The following CUX2 variants were observed in gnomAD, a reference collection of about 807,000 sequenced individuals.
The protein encoded by CUX2 is homeobox protein cut-like 2.
In CUX2, 40 loss-of-function variants were observed where a neutral mutation model predicts 144.8. The ratio of observed to expected loss-of-function variants is 0.28; its 90% CI spans 0.21 to 0.36. The LOEUF (loss-of-function observed/expected upper bound fraction) is 0.36, where lower values mean the gene tolerates loss of function less well. Ranked by LOEUF, CUX2 falls within the 10% of genes least tolerant of loss-of-function variation. The probability of loss-of-function intolerance (pLI) is 1.00; values close to 1 mark genes in which losing one functional copy is unlikely to be tolerated. For missense variants in CUX2, 1,615 were observed against 1,994.0 expected (o/e 0.81, Z 3.62); for synonymous variants, 827 against 875.6 (o/e 0.94, Z 0.98).
intron 3 of CUX2, among the ~76,000 whole-genome samples, chr12:111,227,945 C>G (rs564131977): frequency 6.6e-6 from 1 of 152,292 alleles, no homozygotes; most frequent in Non-Finnish European, 1.5e-5. Flanking sequence ...ATGGGAGAGA[C>G]AGATGGACCC....
chr12:111,227,178 T>C (rs1882195503), intron 3 of CUX2, among the ~76,000 whole-genome samples: 1 of 152,180 alleles, frequency 6.6e-6, no homozygotes, highest in Admixed American at 6.5e-5. Flanking sequence ...GCTGAGGTGG[T>C]GAACATTACT....
intron 1 of CUX2, among the ~76,000 whole-genome samples, chr12:111,200,323 T>C (rs1880501847): frequency 6.6e-6 from 1 of 152,062 alleles, no homozygotes; most frequent in South Asian, 2.1e-4. Context: ...CACATTCATG[T>C]TGATAATAAG....
At chr12:111,044,184 T>C (rs911903330) in intron 1 of CUX2, among the ~76,000 whole-genome samples, 2 of 152,214 alleles carry the variant, frequency 1.3e-5, no homozygotes, top group Non-Finnish European at 2.9e-5. Context: ...AGTCTGTTTC[T>C]TGTCCCACAG....
chr12:111,292,878 T>C (rs1287236996), intron 5 of CUX2, among the ~76,000 whole-genome samples: 1 of 152,100 alleles, frequency 6.6e-6, no homozygotes, highest in African/African-American at 2.4e-5. Context: ...ATCCCAGCAC[T>C]TTGGGAGGCC....
chr12:111,108,916 G>T (rs1873773170), intron 1 of CUX2, among the ~76,000 whole-genome samples: 1 of 152,128 alleles, frequency 6.6e-6, no homozygotes, highest in South Asian at 2.1e-4. Flanking sequence ...AACCCCAGAG[G>T]CTTGATCAGA....
chr12:111,340,848 TCTC>T (rs1045559535), intron 20 of CUX2, among the ~76,000 whole-genome samples: 4 of 152,306 alleles, frequency 2.6e-5, no homozygotes, highest in South Asian at 2.1e-4. Context: ...CTTCCTTTGT[TCTC>T]CTCTGCCTTT....
chr12:111,278,673 A>G (rs1402619416), intron 4 of CUX2, among the ~76,000 whole-genome samples: 2 of 152,216 alleles, frequency 1.3e-5, no homozygotes, highest in African/African-American at 4.8e-5. Context: ...AATGAAAAAC[A>G]AGATTCCCTT....
At chr12:111,060,304 C>T (rs1227928761) in intron 1 of CUX2, among the ~76,000 whole-genome samples, 1 of 152,220 alleles carries the variant, frequency 6.6e-6, no homozygotes, top group African/African-American at 2.4e-5. Context: ...AAATGCCTTA[C>T]GCTGTCTTAC....
At chr12:111,170,956 G>A (rs1344304355) in intron 1 of CUX2, among the ~76,000 whole-genome samples, 1 of 152,128 alleles carries the variant, frequency 6.6e-6, no homozygotes, top group African/African-American at 2.4e-5. Flanking sequence ...GCCCATGTCT[G>A]GCATCGGCAA....
intron 1 of CUX2, among the ~76,000 whole-genome samples, chr12:111,073,660 A>G (rs1592866104): frequency 6.6e-6 from 1 of 152,068 alleles, no homozygotes; most frequent in East Asian, 1.9e-4. Flanking sequence ...AATTGTAACA[A>G]TGAAAAATGT....
At chr12:111,198,078 G>A (rs1329533440) in intron 1 of CUX2, among the ~76,000 whole-genome samples, 4 of 151,936 alleles carry the variant, frequency 2.6e-5, no homozygotes, top group Non-Finnish European at 2.9e-5. Context: ...TAATTTTTTT[G>A]TTTTATTTAT....
chr12:111,211,435 T>G (rs1464478515), intron 1 of CUX2, among the ~76,000 whole-genome samples: 1 of 152,228 alleles, frequency 6.6e-6, no homozygotes, highest in Non-Finnish European at 1.5e-5. Context: ...GGCATAATTG[T>G]CTGTGAGGAC....
At chr12:111,280,739 A>G (rs931475466) in intron 4 of CUX2, among the ~76,000 whole-genome samples, 2 of 151,952 alleles carry the variant, frequency 1.3e-5, no homozygotes, top group African/African-American at 4.8e-5. Context: ...CCATCTTCAC[A>G]TGGCCTCCTT....
chr12:111,195,578 C>T (rs960568963), intron 1 of CUX2, among the ~76,000 whole-genome samples: 5 of 152,196 alleles, frequency 3.3e-5, no homozygotes, highest in African/African-American at 1.2e-4. Flanking sequence ...CTGACAGACA[C>T]GAGTTGGAAC....
chr12:111,163,643 A>G (rs1877928136), intron 1 of CUX2, among the ~76,000 whole-genome samples: 1 of 152,126 alleles, frequency 6.6e-6, no homozygotes, highest in Non-Finnish European at 1.5e-5. Context: ...ACCTGAAACT[A>G]CCTTGGCACC....
At chr12:111,254,007 G>C (rs1883692586) in intron 3 of CUX2, among the ~76,000 whole-genome samples, 2 of 152,154 alleles carry the variant, frequency 1.3e-5, no homozygotes, top group South Asian at 2.1e-4. Context: ...TGGGATTGCA[G>C]GTGTGAGCCA....
intron 1 of CUX2, among the ~76,000 whole-genome samples, chr12:111,172,349 C>T (rs1878592968): frequency 6.6e-6 from 1 of 152,202 alleles, no homozygotes; most frequent in Non-Finnish European, 1.5e-5. Context: ...ACCAGCCACC[C>T]ATTAGCGAGG....
chr12:111,330,722 T>TATATATACATATAC, intron 18 of CUX2, among the ~76,000 whole-genome samples: 1 of 51,554 alleles, frequency 1.9e-5, no homozygotes, highest in East Asian at 3.5e-4. Flanking sequence ...TATATATATA[T>TATATATACATATAC]ATATATATAT....
Position 111,307,501 on chromosome 12 carries a change from C to T in CUX2, c.1109+244C>T, listed in dbSNP as rs1368515621. On this transcript the variant is annotated intron_variant, in intron 12 of 21. Transcript: ENST00000261726. This position sits in a 1 kb window ranked among gnomAD's most constrained non-coding sequence, Gnocchi z 4.1. ...GTCAGGAGTTTGAGACCAGCCTGGG[C>T]AACAATGGGGAGACCCCATCTCTGT... Among the ~76,000 whole-genome samples, 1 of 152,072 alleles carries T rather than the reference C, an allele frequency of 6.6e-6. No individual in the cohort carries two copies. Among genetic ancestry groups the T allele is most frequent in the African/African-American group, 2.4e-5 (1 of 41,424 alleles).
Sources: allele counts gnomAD v4.1 joint callset (sites outside exome capture counted in the v4.1 genomes callset), GRCh38; gene constraint gnomAD v4.1.1; non-coding constraint Gnocchi (gnomAD v3.1); transcripts MANE v1.5; gene names NCBI Gene and HGNC (gene_info 2026-07-23, HGNC 2026-07-21).